MYLK: variants seen among roughly 807,000 people sequenced by gnomAD.
MYLK encodes myosin light chain kinase, also known as myosin light chain kinase, smooth muscle.
Under a neutral mutation model 203.4 loss-of-function variants are expected in MYLK, and 106 were observed. That is an observed-to-expected ratio of 0.52 (90% CI 0.45 to 0.61). The LOEUF (loss-of-function observed/expected upper bound fraction) is 0.61, where lower values mean the gene tolerates loss of function less well. Among genes scored for constraint, MYLK ranks in the 20% least tolerant of loss-of-function variants. The pLI, the probability that MYLK is intolerant of heterozygous loss-of-function variation, is 0.00. For synonymous variants in MYLK, 867 were observed against 959.5 expected, an observed-to-expected ratio of 0.90 and a Z score of 1.78; for missense variants, 2,072 against 2,442.3, an observed-to-expected ratio of 0.85 and a Z score of 3.20.
intron 3 of MYLK, among the ~76,000 whole-genome samples, chr3:123,794,151 A>C (rs1475186817): frequency 1.3e-5 from 2 of 152,256 alleles, no homozygotes; most frequent in Non-Finnish European, 2.9e-5. Context: ...GGAAAGGGGA[A>C]GCTGGGGACA....
chr3:123,735,547 G>A (rs920334131), intron 8 of MYLK, 131 bp from the exon 9 acceptor site: 14 of 1,017,286 alleles, frequency 1.4e-5, no homozygotes, highest in Non-Finnish European at 1.9e-5. Flanking sequence ...GGTGCTGAAC[G>A]TCTTTGGCCT....
rs1458380672 is a variant in MYLK at position 123,700,977 on chromosome 3, G to A, written c.2491C>T (p.Leu831Phe). 6.2e-7 allele frequency: 1 copy of A among 1,607,476 alleles called. No homozygotes were observed. The highest frequency in any genetic ancestry group is 1.3e-5 in the African/African-American group (1 of 74,900). ...TCAGCACCAACTCCTCCACCACAGAGGTCCTCGCAGCTGGCAGGCTCCCTC... is the reference window on the plus strand; with the variant it reads ...TCAGCACCAACTCCTCCACCACAGAAGTCCTCGCAGCTGGCAGGCTCCCTC... ...RGREPASCEDLCGGGVGADGG... is the reference protein window; with the variant it reads ...RGREPASCEDFCGGGVGADGG... Residue 831 changes from leucine to phenylalanine, a missense_variant, in exon 18 of 34, where the codon CTC (leucine) becomes TTC (phenylalanine). By Grantham distance (22) the Leu-to-Phe change is conservative. Coordinates refer to ENST00000360304, the MANE Select transcript of MYLK (RefSeq NM_053025.4).
chr3:123,749,082 C>CATACATAT (rs2063112961), intron 5 of MYLK, among the ~76,000 whole-genome samples: 1 of 141,514 alleles, frequency 7.1e-6, no homozygotes, highest in East Asian at 2.0e-4. Flanking sequence ...AAAATACATA[C>CATACATAT]ATACATACAT....
chr3:123,851,591 T>C (rs777774697), intron 2 of MYLK, among the ~76,000 whole-genome samples: 2 of 152,222 alleles, frequency 1.3e-5, no homozygotes, highest in Non-Finnish European at 2.9e-5. Context: ...TGCACATTGA[T>C]TTTGTATCCT....
intron 4 of MYLK, among the ~76,000 whole-genome samples, chr3:123,754,077 C>T (rs902794675): frequency 2.6e-5 from 4 of 152,324 alleles, no homozygotes; most frequent in South Asian, 4.1e-4. Flanking sequence ...GCATACTAAG[C>T]GAGGAAAGAG....
chr3:123,616,375 G>A (rs1238429186), intron 33 of MYLK: 2 of 152,080 alleles, frequency 1.3e-5, no homozygotes, highest in African/African-American at 4.8e-5. Flanking sequence ...TATTTAATGT[G>A]TATGTGTACA....
chr3:123,823,297 C>A lies in MYLK; in HGVS notation c.-4+8251G>T, dbSNP rs545536024. Among the ~76,000 whole-genome samples the A allele has an allele frequency of 6.6e-5, 10 of 152,270 alleles. No homozygotes were observed. In the East Asian group the frequency reaches 1.4e-3, roughly 21 times the overall value. ...TCTCCACACACATTTCTTATCCCAC[C>A]CTCTCCACTGACCTCCAGAATTTGA... On this transcript the variant is annotated intron_variant, in intron 3 of 33. Transcript: ENST00000360304.
chr3:123,801,844 T>C (rs930745010), intron 3 of MYLK, among the ~76,000 whole-genome samples: 2 of 152,232 alleles, frequency 1.3e-5, no homozygotes, highest in African/African-American at 4.8e-5. Context: ...GGCACCTAGT[T>C]TGATTCCATG....
At chr3:123,765,524 C>A (rs1192184389) in intron 4 of MYLK, among the ~76,000 whole-genome samples, 1 of 149,390 alleles carries the variant, frequency 6.7e-6, no homozygotes, top group Non-Finnish European at 1.5e-5. Context: ...GAGTGAGATT[C>A]CACCTCAAAA....
chr3:123,682,085 G>T (rs1316599898), intron 20 of MYLK, 139 bp downstream of exon 20: 8 of 725,932 alleles, frequency 1.1e-5, no homozygotes, highest in Admixed American at 1.0e-4. Flanking sequence ...GGCACTTCAG[G>T]GTGTGGGCAG....
At chr3:123,779,015 T>C (rs1025391716) in intron 4 of MYLK, among the ~76,000 whole-genome samples, 3 of 152,230 alleles carry the variant, frequency 2.0e-5, no homozygotes, top group African/African-American at 7.2e-5. Flanking sequence ...GGGTTGGGTA[T>C]GACTTGAGTT....
At chr3:123,855,130 T>C (rs1403266980) in intron 2 of MYLK, among the ~76,000 whole-genome samples, 1 of 148,472 alleles carries the variant, frequency 6.7e-6, no homozygotes, top group African/African-American at 2.5e-5. Flanking sequence ...TGAGAACTCA[T>C]GTTGTTACTC....
At chr3:123,615,916 T>G (rs2057465845) in intron 33 of MYLK, among the ~76,000 whole-genome samples, 1 of 152,224 alleles carries the variant, frequency 6.6e-6, no homozygotes. Flanking sequence ...TCCAAAGTGT[T>G]GGGATTACAG....
At chr3:123,731,414 C>T (rs1298934374) in intron 11 of MYLK, among the ~76,000 whole-genome samples, 1 of 152,176 alleles carries the variant, frequency 6.6e-6, no homozygotes, top group African/African-American at 2.4e-5. Context: ...CATGTGTGTA[C>T]ACAGATCTTT....
At position 123,699,989 on chromosome 3, in the gene MYLK, C is replaced by T. The variant is rs543660450; in HGVS notation, c.3448+31G>A. On this transcript the variant is annotated intron_variant, in intron 18 of 33. Transcript: ENST00000360304. ...CTAGGAGTGGCCCTGGTACAGAGGC[C>T]CCTTCTTCCCCAACCCCCATGCTCA... The T allele has an allele frequency of 4.3e-6, 7 of 1,614,008 alleles. No individual in the cohort carries two copies. The South Asian group carries it at 7.7e-5, about 18-fold the overall frequency.
intron 2 of MYLK, among the ~76,000 whole-genome samples, chr3:123,872,546 C>T (rs1208340487): frequency 6.6e-6 from 1 of 152,164 alleles, no homozygotes; most frequent in African/African-American, 2.4e-5. Flanking sequence ...ATTCCCATGA[C>T]CCCCTTCTTG....
chr3:123,773,266 T>G (rs2063946930), intron 4 of MYLK, among the ~76,000 whole-genome samples: 2 of 152,144 alleles, frequency 1.3e-5, no homozygotes, highest in Non-Finnish European at 2.9e-5. Context: ...TACTTTCTCC[T>G]TGTTACAATA....
chr3:123,647,182 G>T, intron 27 of MYLK, 42 bp downstream of exon 27: 1 of 1,593,344 alleles, frequency 6.3e-7, no homozygotes, highest in Non-Finnish European at 8.6e-7. Flanking sequence ...CACGTTTGGG[G>T]GCTCCCTGTG....
chr3:123,628,388 G>A (rs758901441), intron 30 of MYLK, among the ~76,000 whole-genome samples: 4 of 152,198 alleles, frequency 2.6e-5, no homozygotes, highest in Non-Finnish European at 5.9e-5. Flanking sequence ...TGGGAGTGCA[G>A]AGCCTCCTGC....
Sources: allele counts gnomAD v4.1 joint callset (sites outside exome capture counted in the v4.1 genomes callset), GRCh38; gene constraint gnomAD v4.1.1; transcripts MANE v1.5; gene names NCBI Gene and HGNC (gene_info 2026-07-23, HGNC 2026-07-21).